ANKFN1: variants seen among roughly 807,000 people sequenced by gnomAD.
ANKFN1 encodes the protein ankyrin repeat and fibronectin type-III domain-containing protein 1.
A neutral mutation model predicts 108.7 loss-of-function variants in ANKFN1; 74 were observed. The observed-to-expected ratio is 0.68, with a 90% CI of 0.56 to 0.83. The LOEUF (loss-of-function observed/expected upper bound fraction) is 0.83, where lower values mean the gene tolerates loss of function less well. ANKFN1 is among the 40% of genes least tolerant of loss of function. ANKFN1 has a pLI of 0.00. For synonymous variants in ANKFN1, 547 were observed against 516.2 expected, an observed-to-expected ratio of 1.06 and a Z score of -0.81; for missense variants, 1,505 against 1,382.3, an observed-to-expected ratio of 1.09 and a Z score of -1.41.
At chr17:56,276,195 T>C (rs1338713944) in intron 3 of ANKFN1, among the ~76,000 whole-genome samples, 2 of 152,210 alleles carry the variant, frequency 1.3e-5, no homozygotes, top group Non-Finnish European at 2.9e-5. Flanking sequence ...GGACATGAGC[T>C]CATGGAATAC....
intron 8 of ANKFN1, among the ~76,000 whole-genome samples, chr17:56,396,449 A>C (rs1360995430): frequency 2.6e-5 from 4 of 151,632 alleles, no homozygotes; most frequent in South Asian, 2.1e-4. Context: ...CTTCGTCTGC[A>C]AAAAAAAAGA....
chr17:56,331,393 T>A (rs1340192084), intron 4 of ANKFN1, among the ~76,000 whole-genome samples: 3 of 152,202 alleles, frequency 2.0e-5, no homozygotes, highest in Non-Finnish European at 1.5e-5. Context: ...TTGAATATGC[T>A]ATGTCTTACA....
intron 3 of ANKFN1, among the ~76,000 whole-genome samples, chr17:56,306,473 C>T (rs565546330): frequency 9.2e-5 from 14 of 152,280 alleles, no homozygotes; most frequent in Non-Finnish European, 2.1e-4. Context: ...AACTCCCACT[C>T]GCAATTGCTT....
chr17:56,147,011 A>T (rs1390510027), intron 4 of ANKFN1, among the ~76,000 whole-genome samples: 1 of 152,088 alleles, frequency 6.6e-6, no homozygotes, highest in African/African-American at 2.4e-5. Flanking sequence ...ATCTCTCTCA[A>T]GTTCAAAGTT....
chr17:56,434,339 C>A (rs1443348384), intron 8 of ANKFN1, among the ~76,000 whole-genome samples: 3 of 144,890 alleles, frequency 2.1e-5, no homozygotes, highest in Non-Finnish European at 4.5e-5. Context: ...TTGCTTTAAT[C>A]TTCTAGAAGT....
Position 56,160,637 on chromosome 17 carries a change from TTATGGAAA to T in ANKFN1, c.-71+7108_-71+7115del, listed in dbSNP as rs1221428309. ...TGGAACAGAGCTCTCATGTTTTGTC[TTATGGAAA>T]CTTTTATAAGAGATGGGAGCTGCCG... is the stretch of plus-strand genomic sequence containing the variant. On this transcript the variant is annotated intron_variant, in intron 1 of 20. Transcript: ENST00000682825. Among the ~76,000 whole-genome samples, 8 of 152,168 alleles carry T rather than the reference TTATGGAAA, an allele frequency of 5.3e-5. No homozygotes were observed. In the South Asian group the frequency reaches 6.2e-4, roughly 12 times the overall value.
At chr17:56,263,895 C>T (rs2043582625) in intron 3 of ANKFN1, among the ~76,000 whole-genome samples, 1 of 152,154 alleles carries the variant, frequency 6.6e-6, no homozygotes, top group Non-Finnish European at 1.5e-5. Context: ...ATTTAAAGAC[C>T]CCTTCTAGGG....
At chr17:56,052,830 C>A (rs566655401) in intron 4 of ANKFN1, among the ~76,000 whole-genome samples, 1 of 152,238 alleles carries the variant, frequency 6.6e-6, no homozygotes, top group Admixed American at 6.5e-5. Context: ...TGGGGTCTCA[C>A]GTATGCCAGC....
intron 3 of ANKFN1, among the ~76,000 whole-genome samples, chr17:56,263,590 G>A (rs145058373): frequency 3.0e-4 from 45 of 152,332 alleles, no homozygotes; most frequent in Non-Finnish European, 5.1e-4. Context: ...TGTAAAGGGA[G>A]ACTGGTGTCT....
At chr17:56,082,441 CA>C (rs369552706) in intron 4 of ANKFN1, among the ~76,000 whole-genome samples, 2 of 149,692 alleles carry the variant, frequency 1.3e-5, no homozygotes, top group East Asian at 2.0e-4. Context: ...CACACACACA[CA>C]AAAAAAAACC....
chr17:56,081,304 G>C (rs1329965546), intron 4 of ANKFN1, among the ~76,000 whole-genome samples: 1 of 151,678 alleles, frequency 6.6e-6, no homozygotes, highest in Non-Finnish European at 1.5e-5. Context: ...ACAAGTGTGG[G>C]GTTTAACCTT....
At chr17:56,267,400 G>A (rs2043681053) in intron 3 of ANKFN1, among the ~76,000 whole-genome samples, 1 of 152,200 alleles carries the variant, frequency 6.6e-6, no homozygotes. Flanking sequence ...TTGCTGTGCA[G>A]AAGCTTATTC....
At chr17:56,121,794 G>T (rs1906636398) in intron 4 of ANKFN1, among the ~76,000 whole-genome samples, 1 of 152,214 alleles carries the variant, frequency 6.6e-6, no homozygotes, top group Non-Finnish European at 1.5e-5. Context: ...CAGTATAGCA[G>T]AAACAAGAAT....
At chr17:56,107,837 A>G (rs949416366) in intron 4 of ANKFN1, among the ~76,000 whole-genome samples, 3 of 152,020 alleles carry the variant, frequency 2.0e-5, no homozygotes, top group Non-Finnish European at 2.9e-5. Flanking sequence ...CTGCATTCCT[A>G]TAGCACCTTT....
At chr17:56,399,845 A>T (rs34962934) in intron 8 of ANKFN1, among the ~76,000 whole-genome samples, 1,755 of 9,698 alleles carry the variant, frequency 0.18, 18 homozygotes, top group Admixed American at 0.22. Flanking sequence ...TCCATTTTTT[A>T]TATATATATA....
chr17:56,175,884 G>A (rs1023664400), intron 1 of ANKFN1, among the ~76,000 whole-genome samples: 22 of 140,644 alleles, frequency 1.6e-4, no homozygotes, highest in South Asian at 2.6e-4. Context: ...CACTTCAGAC[G>A]GTTTGAAATG....
chr17:56,125,025 A>T (rs1372953005), intron 4 of ANKFN1, among the ~76,000 whole-genome samples: 1 of 152,164 alleles, frequency 6.6e-6, no homozygotes, highest in Non-Finnish European at 1.5e-5. Flanking sequence ...CACTCTTCCC[A>T]TCTTTAAATG....
chr17:56,336,639 A>G (rs2144596386), intron 4 of ANKFN1, among the ~76,000 whole-genome samples: 1 of 152,156 alleles, frequency 6.6e-6, no homozygotes, highest in Non-Finnish European at 1.5e-5. Flanking sequence ...CTAGAGGTCT[A>G]TCAATTTTGT....
At chr17:56,501,724 G>A (rs924932368) in intron 20 of ANKFN1, among the ~76,000 whole-genome samples, 3 of 152,246 alleles carry the variant, frequency 2.0e-5, no homozygotes, top group South Asian at 4.1e-4. Context: ...ATAAGAAGAG[G>A]AGACTGTGGA....
Sources: allele counts gnomAD v4.1 joint callset (sites outside exome capture counted in the v4.1 genomes callset), GRCh38; gene constraint gnomAD v4.1.1; transcripts MANE v1.5; gene names NCBI Gene and HGNC (gene_info 2026-07-23, HGNC 2026-07-21).